Variants in FLNA observed in about 807,000 individuals in gnomAD.
The protein encoded by FLNA is filamin-A.
Under a neutral mutation model 157.6 loss-of-function variants are expected in FLNA, and 7 were observed. That is an observed-to-expected ratio of 0.04 (90% CI 0.03 to 0.08). The LOEUF (loss-of-function observed/expected upper bound fraction) is 0.08. Ranked by LOEUF, FLNA falls within the 10% of genes least tolerant of loss-of-function variation. The probability of loss-of-function intolerance (pLI) is 1.00; values close to 1 mark genes in which losing one functional copy is unlikely to be tolerated. For synonymous variants in FLNA, 1,103 were observed against 1,060.8 expected (o/e 1.04, Z -0.77); for missense variants, 1,750 against 2,398.4 (o/e 0.73, Z 5.65).
intron 28 of FLNA, 82 bp from the exon 29 acceptor site, chrX:154,357,705 C>T (rs1160008701): frequency 1.0e-5 from 9 of 894,564 alleles, no homozygotes; most frequent in South Asian, 2.1e-5. Context: ...GAGTGCCCAG[C>T]GCTGCTGCTA....
intron 47 of FLNA, 35 bp from the exon 48 acceptor site, chrX:154,349,071 GC>G: frequency 8.7e-7 from 1 of 1,154,318 alleles, no homozygotes; most frequent in Non-Finnish European, 1.2e-6. Context: ...CCAGGTCCCA[GC>G]CCCCTTCCTC....
At chrX:154,356,286 T>C (rs1170043507) in intron 30 of FLNA, among the ~76,000 whole-genome samples, 1 of 111,673 alleles carries the variant, frequency 9.0e-6, no homozygotes, top group Non-Finnish European at 1.9e-5. Flanking sequence ...AGAGAGCAAC[T>C]TCAGCGCCCC....
chrX:154,370,539 G>A (rs1405842291), intron 2 of FLNA, among the ~76,000 whole-genome samples: 1 of 112,796 alleles, frequency 8.9e-6, no homozygotes, highest in Non-Finnish European at 1.9e-5. Context: ...CGGGGCGCAG[G>A]GCCAGGAGCC....
chrX:154,348,763 CCTGGG>C lies in FLNA; in HGVS notation c.*81_*85del. The C allele has an allele frequency of 1.0e-6, 1 of 962,397 alleles. No individual in the cohort carries two copies. Among genetic ancestry groups the C allele is most frequent in the South Asian group, 2.3e-5 (1 of 43,299 alleles). 79.3% of individuals were successfully genotyped at this position (962,397 alleles called of 1,213,427 possible). ...AGTGACAGGCGGGCGGCCAGGGCGGCCTGGGCCGGGGTTGAGGGGAAGAGGGCGGG... is the reference window on the plus strand; with the variant it reads ...AGTGACAGGCGGGCGGCCAGGGCGGCCCGGGGTTGAGGGGAAGAGGGCGGG... On this transcript the variant is annotated 3_prime_UTR_variant, in exon 48 of 48. Coordinates refer to ENST00000369850, the MANE Select transcript of FLNA (RefSeq NM_001110556.2).
At position 154,358,468 on chromosome X, in the gene FLNA, A is replaced by G. The variant is rs1473950337; in HGVS notation, c.4575T>C (p.Tyr1525=). ...ACCTCCGGGGTACCTCTTCATCTCC[A>G]TACAGTACTGAGATGCTGTAGGGCC... ...REGPYSISVL[Y]GDEEVPRSPF... Residue 1525 remains tyrosine (Y), a synonymous_variant, in exon 27 of 48, where the codon TAT becomes TAC. Coordinates refer to ENST00000369850, the MANE Select transcript of FLNA (RefSeq NM_001110556.2). The G allele has an allele frequency of 7.5e-6, 9 of 1,208,012 alleles. No homozygotes were observed. Among genetic ancestry groups the G allele is most frequent in the Non-Finnish European group, 8.9e-6 (8 of 893,880 alleles).
In FLNA at chrX:154,352,275, G is replaced by A. The variant is rs782408769; in HGVS notation, c.6675C>T (p.Pro2225=). 2 of 1,212,023 alleles carry A rather than the reference G, an allele frequency of 1.7e-6. No homozygotes were observed. Among genetic ancestry groups the A allele is most frequent in the South Asian group, 1.8e-5 (1 of 57,072 alleles). The change falls in exon 41 of 48, where the codon CCC becomes CCT. Residue 2225 remains proline (P), a synonymous_variant. Coordinates refer to ENST00000369850, the MANE Select transcript of FLNA (RefSeq NM_001110556.2). Reference sequence around the variant, plus strand: ...CTAGGGGCCCCACGGTGAACTGGAAGGGGCTCCCAGGCACGTGCTGGCCCT... The same window carrying A: ...CTAGGGGCCCCACGGTGAACTGGAAAGGGCTCCCAGGCACGTGCTGGCCCT... ...KYKGQHVPGS[P]FQFTVGPLGE... is the part of the protein sequence containing the mutation.
At chrX:154,368,400 T>C (rs1284979405) in intron 2 of FLNA, among the ~76,000 whole-genome samples, 3 of 112,039 alleles carry the variant, frequency 2.7e-5, no homozygotes, top group Non-Finnish European at 1.9e-5. Flanking sequence ...AGCCTGCAGA[T>C]GGGCAGCTCT....
At position 154,364,941 on chromosome X, in the gene FLNA, C is replaced by G; in HGVS notation, c.1708G>C (p.Val570Leu). 4 of 1,211,563 alleles carry G rather than the reference C, an allele frequency of 3.3e-6. No homozygotes were observed. The highest frequency in any genetic ancestry group is 4.5e-6 in the Non-Finnish European group (4 of 895,604). Residue 570 changes from valine (V) to leucine (L), a missense_variant, in exon 12 of 48, where the codon GTG (valine) becomes CTG (leucine). By Grantham distance (32) the Val-to-Leu change is conservative. Around this residue, in one of 5 missense-constraint regions of FLNA, gnomAD observed 648 missense variants for 805.8 expected, o/e 0.80. Transcript: ENST00000369850. ...NIGRSPFEVK[V>L]GTECGNQKVR... ...TTCTGATTGCCACACTCGGTGCCCA[C>G]CTTCACTTCGAAGGGACTGCAAATG...
chrX:154,357,530 T>C lies in FLNA; in HGVS notation c.4849A>G (p.Thr1617Ala). Residue 1617 changes from threonine (T) to alanine (A), a missense_variant, in exon 29 of 48, where the codon ACC becomes GCC. Thr to Ala is a moderately conservative substitution (Grantham distance 58, BLOSUM62 0). Around this residue, in one of 5 missense-constraint regions of FLNA, gnomAD observed 970 missense variants for 1,302.6 expected, o/e 0.74. Transcript: ENST00000369850. ...AYVPDVTGRY[T>A]ILIKYGGDEI... ...TCACCACCGTACTTGATGAGGATGG[T>C]GTAGCGACCTGTCACGTCTGGCACG... 2 of 1,210,717 alleles carry C rather than the reference T, an allele frequency of 1.7e-6. No homozygotes were observed. The highest frequency in any genetic ancestry group is 2.2e-6 in the Non-Finnish European group (2 of 894,498).
In FLNA at chrX:154,348,555, C is replaced by G; in HGVS notation, c.*294G>C. On this transcript the variant is annotated 3_prime_UTR_variant, in exon 48 of 48. Transcript: ENST00000369850. ...AGAATGGAAGCAAAACTTTATTCCT[C>G]TTGGCTGGAGAAGAGAACTAGTGGG... The G allele has an allele frequency of 3.1e-6, 1 of 324,443 alleles. No individual in the cohort carries two copies. The highest frequency in any genetic ancestry group is 4.9e-5 in the East Asian group (1 of 20,453). 26.7% of individuals were successfully genotyped at this position (324,443 alleles called of 1,213,427 possible). A position where few individuals can be genotyped will look rare whatever the true frequency, so the allele number is the denominator to read the frequency against.
chrX:154,364,743 C>T, intron 12 of FLNA, 24 bp from the exon 13 acceptor site: 2 of 1,209,905 alleles, frequency 1.7e-6, no homozygotes, highest in Non-Finnish European at 1.1e-6. Context: ...CCAGTCCCCT[C>T]AGTGCCCTGG....
At chrX:154,364,195 C>A in intron 14 of FLNA, 30 bp from the exon 15 acceptor site, 1 of 1,210,772 alleles carries the variant, frequency 8.3e-7, no homozygotes, top group Non-Finnish European at 1.1e-6. Context: ...AGGTGGCCTG[C>A]TGGTCAGTGC....
At position 154,353,906 on chromosome X, in the gene FLNA, A is replaced by G. The variant is rs1557176312; in HGVS notation, c.5686+9T>C. On this transcript the variant is annotated intron_variant, in intron 35 of 47. Transcript: ENST00000369850. ...CACAGAGCAGGTCAAGACCAGAGCT[A>G]TTGCTCACCCTCTCCTGCATCCTTG... 4.1e-6 allele frequency: 5 copies of G among 1,211,596 alleles called. No homozygotes were observed. The highest frequency in any genetic ancestry group is 1.8e-5 in the South Asian group (1 of 57,019).
chrX:154,360,213 G>C lies in FLNA; in HGVS notation c.3582C>G (p.Thr1194=). Residue 1194 remains threonine (T), a synonymous_variant, in exon 22 of 48, where the codon ACC becomes ACG. Coordinates refer to ENST00000369850, the MANE Select transcript of FLNA (RefSeq NM_001110556.2). ...GCCCCGCCTCCGAGCAGATCTCAAT[G>C]GTCAGCTCCGCGCTGCCCGCGCTCG... The part of the protein sequence containing the change: ...DCSSAGSAEL[T]IEICSEAGLP... 8.3e-7 allele frequency: 1 copy of C among 1,211,191 alleles called. No individual in the cohort carries two copies. Among genetic ancestry groups the C allele is most frequent in the Non-Finnish European group, 1.1e-6 (1 of 895,206 alleles).
In FLNA at chrX:154,374,595, G is replaced by A. The variant is rs1196553332; in HGVS notation, c.-206C>T. 8.9e-6 allele frequency: 1 copy of A among 111,999 alleles called. No homozygotes were observed. Among genetic ancestry groups the A allele is most frequent in the East Asian group, 2.9e-4 (1 of 3,506 alleles). 9.2% of individuals were successfully genotyped at this position (111,999 alleles called of 1,213,427 possible). Reference sequence around the variant, plus strand: ...CCGCGCCCGCGCCAGGCGCCTCGGGGATTCTGTCGGCGTCCGCTGCGCGCG... The same window carrying A: ...CCGCGCCCGCGCCAGGCGCCTCGGGAATTCTGTCGGCGTCCGCTGCGCGCG... On this transcript the variant is annotated 5_prime_UTR_variant, in exon 1 of 48. Transcript: ENST00000369850.
intron 1 of FLNA, among the ~76,000 whole-genome samples, 152 bp from the exon 2 acceptor site, chrX:154,371,513 G>T (rs982582324): frequency 8.9e-6 from 1 of 112,042 alleles, no homozygotes; most frequent in African/African-American, 3.2e-5. Flanking sequence ...CCCCGGGTTC[G>T]GCTGATCAGA....
intron 1 of FLNA, among the ~76,000 whole-genome samples, chrX:154,371,587 C>A (rs1387439644): frequency 4.4e-5 from 5 of 113,127 alleles, no homozygotes; most frequent in Non-Finnish European, 9.4e-5. Context: ...CTCCCAGCCC[C>A]GCAGCCTCGC....
rs1060500721 is a variant in FLNA at position 154,348,991 on chromosome X, C to T, written c.7802G>A (p.Cys2601Tyr). Residue 2601 changes from cysteine (C) to tyrosine (Y), a missense_variant, in exon 48 of 48, where the codon TGC (cysteine) becomes TAC (tyrosine). By Grantham distance (194) the Cys-to-Tyr change is radical. Around this residue, in one of 5 missense-constraint regions of FLNA, gnomAD observed 970 missense variants for 1,302.6 expected, o/e 0.74. Coordinates refer to ENST00000369850, the MANE Select transcript of FLNA (RefSeq NM_001110556.2). Reference sequence around the variant, plus strand: ...CACGTGCTTCACCAGGATCTCCTCGCAGGGGGTCCTTGGGCCATGAACCCC... The same window carrying T: ...CACGTGCTTCACCAGGATCTCCTCGTAGGGGGTCCTTGGGCCATGAACCCC... Reference protein sequence around the residue: ...LVGVHGPRTPCEEILVKHVGS... With the variant: ...LVGVHGPRTPYEEILVKHVGS... 9 of 1,211,409 alleles carry T rather than the reference C, an allele frequency of 7.4e-6. No individual in the cohort carries two copies. The highest frequency in any genetic ancestry group is 8.9e-6 in the Non-Finnish European group (8 of 895,318).
rs2067633750 is a variant in FLNA at position 154,353,068 on chromosome X, A to G, written c.6159T>C (p.Ser2053=). The G allele has an allele frequency of 1.7e-6, 2 of 1,211,780 alleles. No individual in the cohort carries two copies. Among genetic ancestry groups the G allele is most frequent in the Admixed American group, 4.3e-5 (2 of 46,143 alleles). ...EIGDASRVRV[S]GQGLHEGHTF... is the part of the protein sequence containing the mutation. ...TGTGGCCTTCGTGAAGGCCCTGACC[A>G]GAGACCCGAACACGACTGGCATCCC... The change falls in exon 38 of 48, where the codon TCT becomes TCC. Residue 2053 remains serine (S), a synonymous_variant. Coordinates refer to ENST00000369850, the MANE Select transcript of FLNA (RefSeq NM_001110556.2).
Sources: allele counts gnomAD v4.1 joint callset (sites outside exome capture counted in the v4.1 genomes callset), GRCh38; gene constraint gnomAD v4.1.1; regional missense constraint gnomAD v4.1.1; transcripts MANE v1.5; gene names NCBI Gene and HGNC (gene_info 2026-07-23, HGNC 2026-07-21).